ZNF331: variants seen among roughly 807,000 people sequenced by gnomAD.
ZNF331 encodes the protein C2H2-like zinc finger protein rearranged in thyroid adenomas.
In ZNF331, 2 loss-of-function variants were observed where a neutral mutation model predicts 7.0. That is an observed-to-expected ratio of 0.29 (90% CI 0.12 to 0.90). The LOEUF (loss-of-function observed/expected upper bound fraction) is 0.90, where lower values mean the gene tolerates loss of function less well. ZNF331 is among the 40% of genes least tolerant of loss of function. ZNF331 has a pLI of 0.58. For missense variants in ZNF331, 432 were observed against 587.7 expected (o/e 0.74, Z 2.74); for synonymous variants, 196 against 205.4 (o/e 0.95, Z 0.39).
rs376553919 is a variant in ZNF331 at position 53,560,819 on chromosome 19, G to A, written c.-74+4911G>A. Among the ~76,000 whole-genome samples the A allele has an allele frequency of 4.2e-4, 64 of 152,182 alleles. No individual in the cohort carries two copies. Among genetic ancestry groups the A allele is most frequent in the African/African-American group, 1.4e-3 (57 of 41,494 alleles). Reference sequence around the variant, plus strand: ...TTAAGGACTCTGGTCATTACATTGCGCTTGCTTCTATAACTCAAGAGAATC... The same window carrying A: ...TTAAGGACTCTGGTCATTACATTGCACTTGCTTCTATAACTCAAGAGAATC... On this transcript the variant is annotated intron_variant, in intron 3 of 5. Transcript: ENST00000449416. The surrounding 1 kb of genome is among the most constrained non-coding windows in gnomAD (Gnocchi z 4.3).
chr19:53,533,685 A>G (rs1036240940), upstream of ZNF331, among the ~76,000 whole-genome samples: 14 of 152,230 alleles, frequency 9.2e-5, no homozygotes, highest in Non-Finnish European at 1.2e-4. Flanking sequence ...GGGTACATAC[A>G]TATGTACAAT....
chr19:53,541,083 C>T (rs971311228), intron 2 of ZNF331, among the ~76,000 whole-genome samples: 2 of 151,222 alleles, frequency 1.3e-5, no homozygotes, highest in Non-Finnish European at 2.9e-5. Flanking sequence ...AGAGAGGCAA[C>T]GAGAGAACAA....
chr19:53,512,071 C>T, the ZNF331 span: 1 of 152,342 alleles, frequency 6.6e-6, no homozygotes, highest in Non-Finnish European at 1.5e-5. Context: ...GCACCCTCTG[C>T]TGGACAGGGC....
At position 53,569,362 on chromosome 19, in the gene ZNF331, T is replaced by G. The variant is rs776492746; in HGVS notation, c.-15T>G. The G allele has an allele frequency of 6.2e-7, 1 of 1,613,862 alleles. No individual in the cohort carries two copies. Among genetic ancestry groups the G allele is most frequent in the African/African-American group, 1.3e-5 (1 of 74,940 alleles). ...AAACCCCGAGAAGACTGATCAGTTC[T>G]TCAGTTCTAAAACAATGGCCCAGGT... On this transcript the variant is annotated 5_prime_UTR_variant, in exon 4 of 6. Coordinates refer to ENST00000449416, the MANE Select transcript of ZNF331 (RefSeq NM_001079906.2).
At chr19:53,528,059 C>T (rs1429580378) in intron 2 of ZNF331, among the ~76,000 whole-genome samples, 1 of 152,198 alleles carries the variant, frequency 6.6e-6, no homozygotes, top group Non-Finnish European at 1.5e-5. Flanking sequence ...TTACACGAAT[C>T]TCCCATATCA....
In ZNF331 at chr19:53,578,754, T is replaced by C. The variant is rs1290405241; in HGVS notation, c.*802T>C. On this transcript the variant is annotated 3_prime_UTR_variant, in exon 6 of 6. Coordinates refer to ENST00000449416, the MANE Select transcript of ZNF331 (RefSeq NM_001079906.2). Reference sequence around the variant, plus strand: ...CATTCCTTCCTCAACAGGAGGAAAATTCCTGGTACAGTTTAACGTAAGGCT... The same window carrying C: ...CATTCCTTCCTCAACAGGAGGAAAACTCCTGGTACAGTTTAACGTAAGGCT... 3 of 206,994 alleles carry C rather than the reference T, an allele frequency of 1.4e-5. No individual in the cohort carries two copies. Among genetic ancestry groups the C allele is most frequent in the African/African-American group, 2.3e-5 (1 of 43,800 alleles). The allele number at this position is 206,994 out of a possible 1,614,324, so 12.8% of individuals were successfully genotyped here.
intron 3 of ZNF331, among the ~76,000 whole-genome samples, chr19:53,557,050 G>A (rs2147487022): frequency 7.1e-6 from 1 of 140,494 alleles, no homozygotes; most frequent in East Asian, 2.1e-4. Context: ...GAACTCCTGA[G>A]CTCAAGCAAT....
At chr19:53,533,677 G>C (rs909154460), upstream of ZNF331, among the ~76,000 whole-genome samples, 3 of 152,094 alleles carry the variant, frequency 2.0e-5, no homozygotes, top group African/African-American at 7.2e-5. Flanking sequence ...CCAATGTTGG[G>C]TACATACATA....
At chr19:53,537,158 A>G (rs8105445), upstream of ZNF331, 52,524 of 152,250 alleles carry the variant, frequency 0.34, 9,789 homozygotes, top group African/African-American at 0.49. Flanking sequence ...CATTGTGTAC[A>G]ACTATAGCTA....
chr19:53,546,851 G>A (rs2088651305), intron 2 of ZNF331, among the ~76,000 whole-genome samples: 1 of 152,062 alleles, frequency 6.6e-6, no homozygotes, highest in Non-Finnish European at 1.5e-5. Context: ...GACTTCTTTG[G>A]GCGGACAGCT....
rs146377120 is a variant in ZNF331, at chr19:53,568,341, T to C, written c.-73-963T>C. On this transcript the variant is annotated intron_variant, in intron 3 of 5. Transcript: ENST00000449416. ...CCTGTGGAGTCAGGACTCATTACTC[T>C]GCTGTCTTTGATGTGTGACAACAGG... 3.9e-5 allele frequency among the ~76,000 whole-genome samples: 6 copies of C among 152,178 alleles called. No homozygotes were observed. The East Asian group carries it at 1.2e-3, about 29-fold the overall frequency.
chr19:53,543,956 C>T (rs572309557), intron 2 of ZNF331, among the ~76,000 whole-genome samples: 3 of 152,174 alleles, frequency 2.0e-5, no homozygotes, highest in African/African-American at 4.8e-5. Context: ...AAGCCAGACG[C>T]GGTGGCTCAT....
chr19:53,540,743 G>A (rs538100299), intron 2 of ZNF331, among the ~76,000 whole-genome samples: 6 of 150,546 alleles, frequency 4.0e-5, no homozygotes, highest in Non-Finnish European at 7.4e-5. Flanking sequence ...CCCTGTGGGA[G>A]GTATTTTATG....
At position 53,579,406 on chromosome 19, in the gene ZNF331, C is replaced by T. The variant is rs528386691; in HGVS notation, c.*1454C>T. 56 of 174,176 alleles carry T rather than the reference C, an allele frequency of 3.2e-4. No individual in the cohort carries two copies. Among genetic ancestry groups the T allele is most frequent in the Middle Eastern group, 2.2e-3 (1 of 454 alleles). 10.8% of individuals were successfully genotyped at this position (174,176 alleles called of 1,614,324 possible). On this transcript the variant is annotated 3_prime_UTR_variant, in exon 6 of 6. Transcript: ENST00000449416. ...GGGCCAAAGGCTCACTACCCCTGTG[C>T]GTTGTCCAGCACACAGACACTATGT...
At chr19:53,563,998 A>T (rs1264443120) in intron 3 of ZNF331, among the ~76,000 whole-genome samples, 1 of 132,704 alleles carries the variant, frequency 7.5e-6, no homozygotes, top group Non-Finnish European at 1.5e-5. Context: ...ACACCGTTGC[A>T]CTCCAGCCTG....
chr19:53,507,581 A>G, the ZNF331 span, among the ~76,000 whole-genome samples: 1 of 152,122 alleles, frequency 6.6e-6, no homozygotes, highest in Admixed American at 6.6e-5. Flanking sequence ...TAACCCCTAA[A>G]TGCCTGGTCC....
upstream of ZNF331, among the ~76,000 whole-genome samples, chr19:53,518,925 C>T (rs1189544547): frequency 1.3e-5 from 2 of 152,204 alleles, no homozygotes; most frequent in Non-Finnish European, 2.9e-5. Context: ...ACAGAGTCCT[C>T]TGGGGAGGAC....
chr19:53,572,816 G>A (rs2090528775), intron 5 of ZNF331, among the ~76,000 whole-genome samples: 1 of 152,028 alleles, frequency 6.6e-6, no homozygotes, highest in Non-Finnish European at 1.5e-5. Flanking sequence ...GTCAGACGGA[G>A]GGAGCAGGAG....
At chr19:53,530,212 A>G (rs937416908) in intron 2 of ZNF331, among the ~76,000 whole-genome samples, 1 of 152,046 alleles carries the variant, frequency 6.6e-6, no homozygotes, top group Admixed American at 6.6e-5. Context: ...CAGATTTTGC[A>G]AGAACTCACT....
Sources: allele counts gnomAD v4.1 joint callset (sites outside exome capture counted in the v4.1 genomes callset), GRCh38; gene constraint gnomAD v4.1.1; non-coding constraint Gnocchi (gnomAD v3.1); transcripts MANE v1.5; gene names NCBI Gene and HGNC (gene_info 2026-07-23, HGNC 2026-07-21).